The following ENDOG variants were observed in gnomAD, a reference collection of about 807,000 sequenced individuals.
ENDOG encodes endonuclease G, also known as endonuclease G, mitochondrial.
ENDOG carries 22 observed loss-of-function variants against 22.6 expected under a neutral mutation model. The ratio of observed to expected loss-of-function variants is 0.97; its 90% confidence interval spans 0.70 to 1.39. ENDOG has a LOEUF of 1.39. Among genes scored for constraint, ENDOG ranks in the 40% most tolerant of loss-of-function variants. The pLI, the probability that ENDOG is intolerant of heterozygous loss-of-function variation, is 0.00. For missense variants in ENDOG, 403 were observed against 431.3 expected, an observed-to-expected ratio of 0.93 and a Z score of 0.58; for synonymous variants, 173 against 200.2, an observed-to-expected ratio of 0.86 and a Z score of 1.15.
rs1830041421 is a variant in ENDOG, at chr9:128,818,590, C to T, written c.-95C>T. 11 of 1,047,316 alleles carry T rather than the reference C, an allele frequency of 1.1e-5. No individual in the cohort carries two copies. Among genetic ancestry groups the T allele is most frequent in the Non-Finnish European group, 1.3e-5 (11 of 869,666 alleles). 64.9% of individuals were successfully genotyped at this position (1,047,316 alleles called of 1,614,324 possible). A position where few individuals can be genotyped will look rare whatever the true frequency, so the allele number is the denominator to read the frequency against. On this transcript the variant is annotated 5_prime_UTR_variant, in exon 1 of 3. Transcript: ENST00000372642. ...AGTGGAAGGGAGGTCACGCTATCGT[C>T]CGCGGCCCCAGCAGCCCTGTGCCCT...
Position 128,818,720 on chromosome 9 carries a change from G to T in ENDOG, c.36G>T (p.Ser12=). Residue 12 remains serine (S), a synonymous_variant, in exon 1 of 3, where the codon TCG becomes TCT. Coordinates refer to ENST00000372642, the MANE Select transcript of ENDOG (RefSeq NM_004435.2). ...RALRAGLTLA[S]GAGLGAVVEG... is the part of the protein sequence containing the mutation. ...TGCGGGCCGGCCTGACCCTGGCGTC[G>T]GGCGCGGGGCTGGGTGCGGTCGTCG... 1 of 1,172,096 alleles carries T rather than the reference G, an allele frequency of 8.5e-7. No individual in the cohort carries two copies. Among genetic ancestry groups the T allele is most frequent in the East Asian group, 3.9e-5 (1 of 25,956 alleles). The allele number at this position is 1,172,096 out of a possible 1,614,324, so 72.6% of individuals were successfully genotyped here. A position where few individuals can be genotyped will look rare whatever the true frequency, so the allele number is the denominator to read the frequency against.
intron 2 of ENDOG, 101 bp downstream of exon 2, chr9:128,820,949 G>GATGAGTAGGGAACTGGTA: frequency 1.9e-6 from 2 of 1,042,154 alleles, no homozygotes; most frequent in Non-Finnish European, 2.9e-6. Context: ...GTCAATACCA[G>GATGAGTAGGGAACTGGTA]TTCCCTACTC....
intron 2 of ENDOG, chr9:128,822,090 GT>G (rs1463918170): frequency 3.5e-6 from 2 of 575,004 alleles, no homozygotes; most frequent in African/African-American, 3.7e-5. Flanking sequence ...AGCGTTTATT[GT>G]CGCCCACTCT....
chr9:128,820,639 A>C (rs980201918), intron 1 of ENDOG, 100 bp from the exon 2 acceptor site: 1 of 935,668 alleles, frequency 1.1e-6, no homozygotes, highest in South Asian at 1.5e-5. Flanking sequence ...CTCACTGGAT[A>C]TCTCTGAGCC....
rs1268751571 is a variant in ENDOG at position 128,822,514 on chromosome 9, CA to C, written c.799del (p.Ile267SerfsTer37). The C allele has an allele frequency of 9.6e-6, 15 of 1,560,248 alleles. No homozygotes were observed. The highest frequency in any genetic ancestry group is 1.2e-5 in the Non-Finnish European group (14 of 1,151,860). ...AIPLERFLVP[I>X]ESIERASGLL... ...TCCCACTGGAGCGCTTCCTGGTGCC[CA>C]TCGAGAGCATTGAGCGGGCTTCGGG... On this transcript the variant is annotated frameshift_variant, in exon 3 of 3. Transcript: ENST00000372642. LOFTEE classifies it high-confidence loss of function.
In ENDOG at chr9:128,818,901, G is replaced by A; in HGVS notation, c.217G>A (p.Ala73Thr). The A allele has an allele frequency of 6.8e-7, 1 of 1,471,738 alleles. No homozygotes were observed. The highest frequency in any genetic ancestry group is 8.9e-7 in the Non-Finnish European group (1 of 1,119,738). 91.2% of individuals were successfully genotyped at this position (1,471,738 alleles called of 1,614,324 possible). The change falls in exon 1 of 3, where the codon GCG (alanine) becomes ACG (threonine). Residue 73 changes from alanine to threonine, a missense_variant. Transcript: ENST00000372642. ...ELAKYGLPGLAQLKSRESYVL... is the reference protein window; with the variant it reads ...ELAKYGLPGLTQLKSRESYVL... ...GGCCAAGTACGGGCTGCCGGGGCTG[G>A]CGCAGCTCAAGAGCCGCGAGTCGTA...
Position 128,822,315 on chromosome 9 carries a change from G to A in ENDOG, c.612-13G>A. ...CAGGCCCCCTGCCCACGTGTGCCTGGGTCTGCCCACAGGACAGAGGCTGAT... is the reference window on the plus strand; with the variant it reads ...CAGGCCCCCTGCCCACGTGTGCCTGAGTCTGCCCACAGGACAGAGGCTGAT... On this transcript the variant is annotated splice_polypyrimidine_tract_variant and intron_variant, in intron 2 of 2. Transcript: ENST00000372642. 1 of 1,610,250 alleles carries A rather than the reference G, an allele frequency of 6.2e-7. No homozygotes were observed. Among genetic ancestry groups the A allele is most frequent in the South Asian group, 1.1e-5 (1 of 90,956 alleles).
At chr9:128,820,656 T>C in intron 1 of ENDOG, 83 bp from the exon 2 acceptor site, 1 of 1,144,486 alleles carries the variant, frequency 8.7e-7, no homozygotes, top group Non-Finnish European at 1.3e-6. Flanking sequence ...AGCCTGTCCA[T>C]CCCCTCAGGA....
At chr9:128,822,112 G>C in intron 2 of ENDOG, 1 of 602,236 alleles carries the variant, frequency 1.7e-6, no homozygotes, top group Middle Eastern at 4.5e-4. Flanking sequence ...GCCTGACCCA[G>C]TGTTGGGCAT....
At chr9:128,822,280 T>C in intron 2 of ENDOG, 48 bp from the exon 3 acceptor site, 1 of 1,588,716 alleles carries the variant, frequency 6.3e-7, no homozygotes, top group Non-Finnish European at 8.6e-7. Context: ...GAGGTGGCTT[T>C]GGGTTCATCC....
At chr9:128,820,223 T>C (rs1675474567) in intron 1 of ENDOG, 1 of 154,560 alleles carries the variant, frequency 6.5e-6, no homozygotes, top group South Asian at 2.0e-4. Flanking sequence ...GAGACTGCCA[T>C]GGGGCTCTGG....
rs1384332601 is a variant in ENDOG at position 128,822,544 on chromosome 9, GCT to G, written c.831_832del (p.Phe278CysfsTer19). The G allele has an allele frequency of 6.4e-7, 1 of 1,560,654 alleles. No individual in the cohort carries two copies. The highest frequency in any genetic ancestry group is 1.4e-5 in the African/African-American group (1 of 73,852). On this transcript the variant is annotated frameshift_variant, in exon 3 of 3. Coordinates refer to ENST00000372642, the MANE Select transcript of ENDOG (RefSeq NM_004435.2). LOFTEE classifies it high-confidence loss of function. ...AGAGCATTGAGCGGGCTTCGGGGCTGCTCTTTGTGCCAAACATCCTGGCGCGG... is the reference window on the plus strand; with the variant it reads ...AGAGCATTGAGCGGGCTTCGGGGCTGCTTTGTGCCAAACATCCTGGCGCGG... ...IESIERASGL[L>X]FVPNILARAG...
At chr9:128,822,272 G>C in intron 2 of ENDOG, 56 bp from the exon 3 acceptor site, 1 of 1,578,472 alleles carries the variant, frequency 6.3e-7, no homozygotes, top group African/African-American at 1.3e-5. Flanking sequence ...GCCTGGAAGA[G>C]GTGGCTTTGG....
Position 128,818,853 on chromosome 9 carries a change from G to GGACCCCGCGGCCCGGGC in ENDOG, c.172_188dup (p.Glu63AspfsTer105). The GGACCCCGCGGCCCGGGC allele has an allele frequency of 7.2e-7, 1 of 1,398,146 alleles. No homozygotes were observed. The highest frequency in any genetic ancestry group is 1.5e-5 in the South Asian group (1 of 64,530). 86.6% of individuals were successfully genotyped at this position (1,398,146 alleles called of 1,614,324 possible). ...AGCCGAGTTGCCCCCTGTGCCCGGGGGACCCCGCGGCCCGGGCGAGCTGGC... is the reference window on the plus strand; with the variant it reads ...AGCCGAGTTGCCCCCTGTGCCCGGGGGACCCCGCGGCCCGGGCGACCCCGCGGCCCGGGCGAGCTGGC... On this transcript the variant is annotated frameshift_variant, in exon 1 of 3. Coordinates refer to ENST00000372642, the MANE Select transcript of ENDOG (RefSeq NM_004435.2). LOFTEE classifies it high-confidence loss of function.
Position 128,818,629 on chromosome 9 carries a change from G to A in ENDOG, c.-56G>A, listed in dbSNP as rs567205509. On this transcript the variant is annotated 5_prime_UTR_variant, in exon 1 of 3. Transcript: ENST00000372642. Reference sequence around the variant, plus strand: ...GCCCTGTGCCCTCGTTGGATCCCGCGACGCGGCTCCTTTAAGAGCCTCGCG... The same window carrying A: ...GCCCTGTGCCCTCGTTGGATCCCGCAACGCGGCTCCTTTAAGAGCCTCGCG... The A allele has an allele frequency of 1.5e-4, 168 of 1,126,846 alleles. No homozygotes were observed. In the African/African-American group the frequency reaches 2.4e-3, roughly 16 times the overall value. The allele number at this position is 1,126,846 out of a possible 1,614,324, so 69.8% of individuals were successfully genotyped here.
intron 2 of ENDOG, chr9:128,821,425 C>T (rs1054049299): frequency 6.8e-5 from 11 of 162,888 alleles, no homozygotes; most frequent in African/African-American, 2.4e-4. Context: ...GCTCTCATGC[C>T]TTCCCCCTGC....
In ENDOG at chr9:128,822,531, G is replaced by A. The variant is rs372905404; in HGVS notation, c.815G>A (p.Arg272Gln). 1.3e-5 allele frequency: 21 copies of A among 1,558,908 alleles called. No homozygotes were observed. Among genetic ancestry groups the A allele is most frequent in the East Asian group, 4.8e-5 (2 of 41,878 alleles). The change falls in exon 3 of 3, where the codon CGG becomes CAG. Residue 272 changes from arginine (R) to glutamine (Q), a missense_variant. Coordinates refer to ENST00000372642, the MANE Select transcript of ENDOG (RefSeq NM_004435.2). ...RFLVPIESIE[R>Q]ASGLLFVPNI... ...CTGGTGCCCATCGAGAGCATTGAGCGGGCTTCGGGGCTGCTCTTTGTGCCA... is the reference window on the plus strand; with the variant it reads ...CTGGTGCCCATCGAGAGCATTGAGCAGGCTTCGGGGCTGCTCTTTGTGCCA...
intron 1 of ENDOG, 22 bp downstream of exon 1, chr9:128,819,207 G>T: frequency 6.9e-7 from 1 of 1,446,268 alleles, no homozygotes; most frequent in Non-Finnish European, 9.0e-7. Context: ...GCCCCGGGCC[G>T]GTCGCGGAAT....
At chr9:128,819,868 A>T (rs1830071346) in intron 1 of ENDOG, 1 of 152,098 alleles carries the variant, frequency 6.6e-6, no homozygotes, top group Non-Finnish European at 1.5e-5. Flanking sequence ...ATAGGGTTCC[A>T]GCTCCTATGA....
Sources: allele counts gnomAD v4.1 joint callset, GRCh38; gene constraint gnomAD v4.1.1; transcripts MANE v1.5; gene names NCBI Gene and HGNC (gene_info 2026-07-23, HGNC 2026-07-21).